The following CREB5 variants were observed in gnomAD, a reference collection of about 807,000 sequenced individuals.
CREB5 encodes the protein cAMP responsive element binding protein 5.
Under a neutral mutation model 57.1 loss-of-function variants are expected in CREB5, and 19 were observed. That is an observed-to-expected ratio of 0.33 (90% CI 0.23 to 0.49). The LOEUF (loss-of-function observed/expected upper bound fraction) is 0.49. Among genes scored for constraint, CREB5 ranks in the 20% least tolerant of loss-of-function variants. The pLI is 0.99. For synonymous variants in CREB5, 238 were observed against 238.3 expected (o/e 1.00, Z 0.01); for missense variants, 579 against 671.6 (o/e 0.86, Z 1.52).
At chr7:28,532,892 C>T (rs1351359196) in intron 4 of CREB5, among the ~76,000 whole-genome samples, 2 of 152,166 alleles carry the variant, frequency 1.3e-5, no homozygotes, top group Non-Finnish European at 2.9e-5. Context: ...ACCCCTTAGA[C>T]AAGAGTTACT....
chr7:28,730,406 A>G (rs2128751373), intron 7 of CREB5, among the ~76,000 whole-genome samples: 1 of 150,972 alleles, frequency 6.6e-6, no homozygotes, highest in East Asian at 2.0e-4. Flanking sequence ...CTCATCTTGG[A>G]ACTCCTGGGT....
chr7:28,412,144 G>A (rs1787827134), upstream of CREB5, among the ~76,000 whole-genome samples: 2 of 152,156 alleles, frequency 1.3e-5, no homozygotes, highest in Admixed American at 1.3e-4. Flanking sequence ...TGCACCCAGG[G>A]ACAACTTTCG....
chr7:28,342,174 G>C (rs1785950259), intron 1 of CREB5, among the ~76,000 whole-genome samples: 1 of 152,152 alleles, frequency 6.6e-6, no homozygotes, highest in Non-Finnish European at 1.5e-5. Context: ...TGACACTCAT[G>C]ATCCTTAAAT....
At chr7:28,658,339 A>C (rs889063964) in intron 5 of CREB5, among the ~76,000 whole-genome samples, 12 of 152,358 alleles carry the variant, frequency 7.9e-5, no homozygotes, top group African/African-American at 2.9e-4. Flanking sequence ...AATTGTGGCC[A>C]AAACAATAGT....
At chr7:28,459,969 C>T (rs555805989) in intron 1 of CREB5, among the ~76,000 whole-genome samples, 29 of 152,248 alleles carry the variant, frequency 1.9e-4, no homozygotes, top group African/African-American at 6.0e-4. Context: ...GACTTTGAGG[C>T]GAATGATTTT....
intron 5 of CREB5, among the ~76,000 whole-genome samples, chr7:28,661,079 G>A (rs868485350): frequency 1.4e-5 from 2 of 146,158 alleles, no homozygotes; most frequent in African/African-American, 5.0e-5. Context: ...GGGGTGGTGG[G>A]AATGGGGGTG....
chr7:28,567,098 A>C (rs1454727990), intron 4 of CREB5, among the ~76,000 whole-genome samples: 2 of 152,210 alleles, frequency 1.3e-5, no homozygotes, highest in Non-Finnish European at 2.9e-5. Flanking sequence ...GGATGTAAAC[A>C]ATGGTGGTTG....
chr7:28,312,606 C>G (rs775427766), intron 1 of CREB5, among the ~76,000 whole-genome samples: 26 of 152,082 alleles, frequency 1.7e-4, no homozygotes, highest in Non-Finnish European at 1.8e-4. Flanking sequence ...CATTTTGAGG[C>G]TTTTTCATCT....
chr7:28,762,723 T>C (rs1186218798), intron 7 of CREB5, among the ~76,000 whole-genome samples: 3 of 140,572 alleles, frequency 2.1e-5, no homozygotes, highest in Non-Finnish European at 5.0e-5. Flanking sequence ...CTCTTGGCTA[T>C]GGTTTTTTTT....
chr7:28,305,151 A>C (rs1233850484), intron 1 of CREB5, among the ~76,000 whole-genome samples: 1 of 152,212 alleles, frequency 6.6e-6, no homozygotes, highest in Middle Eastern at 3.2e-3. Context: ...TCTTAAATAC[A>C]CTTCTCTTAA....
chr7:28,360,734 T>A (rs746584917), intron 1 of CREB5, among the ~76,000 whole-genome samples: 1 of 152,232 alleles, frequency 6.6e-6, no homozygotes, highest in Non-Finnish European at 1.5e-5. Context: ...TTTTTCAATA[T>A]GTAATAACAC....
intron 1 of CREB5, among the ~76,000 whole-genome samples, chr7:28,376,854 GTATTTACA>G (rs1183270973): frequency 6.6e-6 from 1 of 152,196 alleles, no homozygotes; most frequent in African/African-American, 2.4e-5. Flanking sequence ...GACCTGCCAT[GTATTTACA>G]TAACTAGGTT....
intron 5 of CREB5, among the ~76,000 whole-genome samples, chr7:28,636,733 A>G (rs1486051091): frequency 2.0e-5 from 3 of 152,050 alleles, no homozygotes; most frequent in Non-Finnish European, 1.5e-5. Flanking sequence ...GGAAAATCTC[A>G]TGTTTGTCTT....
intron 1 of CREB5, among the ~76,000 whole-genome samples, chr7:28,332,006 A>T (rs1479387743): frequency 6.6e-6 from 1 of 152,190 alleles, no homozygotes; most frequent in Non-Finnish European, 1.5e-5. Context: ...GATGTAATTC[A>T]GGATCTTGGA....
At chr7:28,556,788 G>A (rs971765806) in intron 4 of CREB5, among the ~76,000 whole-genome samples, 1 of 152,114 alleles carries the variant, frequency 6.6e-6, no homozygotes, top group African/African-American at 2.4e-5. Context: ...TGTTTAGTTT[G>A]GGCATATGGC....
At chr7:28,378,237 CTTT>C (rs1786884328) in intron 1 of CREB5, among the ~76,000 whole-genome samples, 1 of 151,910 alleles carries the variant, frequency 6.6e-6, no homozygotes, top group East Asian at 1.9e-4. Flanking sequence ...AGATCTGAGG[CTTT>C]TAAAAGTTAA....
intron 1 of CREB5, among the ~76,000 whole-genome samples, chr7:28,313,075 T>C (rs1374140646): frequency 6.6e-6 from 1 of 152,184 alleles, no homozygotes; most frequent in Non-Finnish European, 1.5e-5. Context: ...AAACTGAGAG[T>C]GCTGAACCTC....
chr7:28,410,208 A>C (rs1174096924), upstream of CREB5: 1 of 452,704 alleles, frequency 2.2e-6, no homozygotes, highest in Non-Finnish European at 4.4e-6. Context: ...CTTTCGCTCC[A>C]GGCGCTCCGG....
intron 7 of CREB5, among the ~76,000 whole-genome samples, chr7:28,802,094 A>AAC (rs1203135045): frequency 6.7e-6 from 1 of 149,360 alleles, no homozygotes; most frequent in African/African-American, 2.5e-5. Flanking sequence ...AAAAAAAAAA[A>AAC]AAAAAAAAAA....
Sources: allele counts gnomAD v4.1 joint callset (sites outside exome capture counted in the v4.1 genomes callset), GRCh38; gene constraint gnomAD v4.1.1; transcripts MANE v1.5; gene names NCBI Gene and HGNC (gene_info 2026-07-23, HGNC 2026-07-21).